CMSS1: variants seen among roughly 807,000 people sequenced by gnomAD.
CMSS1 encodes the protein cms1 ribosomal small subunit homolog.
Under a neutral mutation model 43.5 loss-of-function variants are expected in CMSS1, and 33 were observed. The ratio of observed to expected loss-of-function variants is 0.76; its 90% CI spans 0.57 to 1.01. CMSS1 has a LOEUF of 1.01. Among genes scored for constraint, CMSS1 ranks in the 50% least tolerant of loss-of-function variants. The pLI is 0.00. For missense variants in CMSS1, 313 were observed against 326.4 expected (o/e 0.96, Z 0.32); for synonymous variants, 115 against 117.2 (o/e 0.98, Z 0.12).
intron 1 of CMSS1, among the ~76,000 whole-genome samples, chr3:100,011,183 TAAG>T (rs966292905): frequency 6.6e-6 from 1 of 152,150 alleles, no homozygotes; most frequent in Non-Finnish European, 1.5e-5. Context: ...CTTTCATTAG[TAAG>T]AAGGATGTCT....
At chr3:100,110,344 A>AT (rs1294061064) in intron 1 of CMSS1, among the ~76,000 whole-genome samples, 2 of 151,960 alleles carry the variant, frequency 1.3e-5, no homozygotes, top group African/African-American at 2.4e-5. Context: ...CTGCCTCTGT[A>AT]TTTTTTTGTT....
intron 1 of CMSS1, among the ~76,000 whole-genome samples, chr3:99,837,704 T>C (rs984223262): frequency 3.3e-5 from 5 of 152,218 alleles, no homozygotes; most frequent in Non-Finnish European, 5.9e-5. Flanking sequence ...AGATACATAG[T>C]GATTATTTCT....
intron 2 of CMSS1, among the ~76,000 whole-genome samples, chr3:100,150,047 C>A (rs2066891686): frequency 6.6e-6 from 1 of 152,072 alleles, no homozygotes; most frequent in Non-Finnish European, 1.5e-5. Flanking sequence ...CCACACAGTC[C>A]CTCCAACTCC....
In CMSS1 at chr3:100,108,810, C is replaced by T. The variant is rs563373913; in HGVS notation, c.65-38163C>T. On this transcript the variant is annotated intron_variant, in intron 1 of 9. Coordinates refer to ENST00000421999, the MANE Select transcript of CMSS1 (RefSeq NM_032359.4). Reference sequence around the variant, plus strand: ...GTGGTACACCTCATGCTCAGCACAGCGTGTGGTTGTGGTGGCTGTTGTTTT... The same window carrying T: ...GTGGTACACCTCATGCTCAGCACAGTGTGTGGTTGTGGTGGCTGTTGTTTT... 3.9e-5 allele frequency among the ~76,000 whole-genome samples: 6 copies of T among 152,192 alleles called. No individual in the cohort carries two copies. The East Asian group carries it at 9.6e-4, about 24-fold the overall frequency.
chr3:99,900,454 A>G (rs1706398830), intron 1 of CMSS1, among the ~76,000 whole-genome samples: 1 of 152,232 alleles, frequency 6.6e-6, no homozygotes, highest in South Asian at 2.1e-4. Flanking sequence ...AGTCTCTAAG[A>G]GGTCATAAAT....
At chr3:100,012,761 CT>C (rs35737304) in intron 1 of CMSS1, among the ~76,000 whole-genome samples, 3,854 of 93,470 alleles carry the variant, frequency 0.041, 97 homozygotes, top group African/African-American at 0.079. Flanking sequence ...GAAGCATATT[CT>C]TTTTTTTTTT....
At chr3:100,031,458 G>A (rs2065020713) in intron 1 of CMSS1, among the ~76,000 whole-genome samples, 1 of 152,076 alleles carries the variant, frequency 6.6e-6, no homozygotes, top group African/African-American at 2.4e-5. Context: ...TGGTGATCTA[G>A]TAAGTGAGTG....
At chr3:100,109,540 TGG>T (rs1318658907) in intron 1 of CMSS1, among the ~76,000 whole-genome samples, 1 of 152,140 alleles carries the variant, frequency 6.6e-6, no homozygotes, top group Non-Finnish European at 1.5e-5. Context: ...CTATAGTTTT[TGG>T]GGGTTTTTTC....
intron 1 of CMSS1, among the ~76,000 whole-genome samples, chr3:99,999,814 A>T (rs913806250): frequency 6.6e-6 from 1 of 152,222 alleles, no homozygotes; most frequent in Non-Finnish European, 1.5e-5. Context: ...CAGTGCATCC[A>T]GTTAATCTGC....
intron 1 of CMSS1, among the ~76,000 whole-genome samples, chr3:99,901,845 A>G (rs2107627688): frequency 6.6e-6 from 1 of 152,174 alleles, no homozygotes; most frequent in East Asian, 1.9e-4. Flanking sequence ...CATTTTTAAG[A>G]TTTATACATT....
At chr3:100,066,478 G>C (rs1490455534) in intron 1 of CMSS1, among the ~76,000 whole-genome samples, 1 of 143,128 alleles carries the variant, frequency 7.0e-6, no homozygotes, top group African/African-American at 2.6e-5. Flanking sequence ...GTCATGGATA[G>C]TGGTGATTAA....
intron 1 of CMSS1, among the ~76,000 whole-genome samples, chr3:100,013,540 G>A (rs1012554256): frequency 7.9e-5 from 12 of 152,064 alleles, no homozygotes; most frequent in Non-Finnish European, 1.6e-4. Context: ...CACCACACTC[G>A]GCTGGCCAGT....
At chr3:99,968,391 T>G (rs1708716607) in intron 1 of CMSS1, among the ~76,000 whole-genome samples, 1 of 150,762 alleles carries the variant, frequency 6.6e-6, no homozygotes. Flanking sequence ...TGTTGAATAG[T>G]AGTATGAAGT....
chr3:99,830,369 C>T (rs898181744), intron 1 of CMSS1: 6 of 370,594 alleles, frequency 1.6e-5, no homozygotes, highest in Non-Finnish European at 3.3e-5. Context: ...TAGCTTTCCA[C>T]ATATTTCTGT....
At chr3:100,116,526 C>G (rs992941481) in intron 1 of CMSS1, among the ~76,000 whole-genome samples, 1 of 152,304 alleles carries the variant, frequency 6.6e-6, no homozygotes, top group East Asian at 1.9e-4. Context: ...AGACCTCCAT[C>G]CATTATGGAA....
chr3:100,162,051 A>C (rs1233350663), intron 3 of CMSS1, among the ~76,000 whole-genome samples: 1 of 152,204 alleles, frequency 6.6e-6, no homozygotes, highest in Non-Finnish European at 1.5e-5. Flanking sequence ...GCCTGCAAAA[A>C]TTTAGTTATC....
chr3:99,998,707 C>T (rs1709754291), intron 1 of CMSS1, among the ~76,000 whole-genome samples: 2 of 152,158 alleles, frequency 1.3e-5, no homozygotes, highest in Admixed American at 1.3e-4. Context: ...GGACTACAAG[C>T]ACATGCCACC....
intron 1 of CMSS1, among the ~76,000 whole-genome samples, chr3:99,854,236 A>T (rs1943845786): frequency 1.3e-5 from 2 of 152,120 alleles, no homozygotes; most frequent in Admixed American, 1.3e-4. Flanking sequence ...TGGATTTTAG[A>T]CAACACAGTA....
chr3:99,893,076 T>A (rs1369866293), intron 1 of CMSS1, among the ~76,000 whole-genome samples: 1 of 152,084 alleles, frequency 6.6e-6, no homozygotes, highest in East Asian at 1.9e-4. Flanking sequence ...CTCTCAAGTG[T>A]TACTGGGAAG....
Sources: gnomAD v4.1 joint callset for allele counts (sites outside exome capture counted in the v4.1 genomes callset) on GRCh38, gnomAD v4.1.1 for gene constraint, MANE v1.5 for transcripts, NCBI Gene and HGNC (gene_info 2026-07-23, HGNC 2026-07-21) for gene names.